The following RBFOX1 variants were observed in gnomAD, a reference collection of about 807,000 sequenced individuals.
The protein encoded by RBFOX1 is RNA binding fox-1 homolog 1, also known as RNA binding protein fox-1 homolog 1.
In RBFOX1, 8 loss-of-function variants were observed where a neutral mutation model predicts 57.7. The ratio of observed to expected loss-of-function variants is 0.14; its 90% CI spans 0.08 to 0.25. The LOEUF (loss-of-function observed/expected upper bound fraction) is 0.25, where lower values mean the gene tolerates loss of function less well. Among genes scored for constraint, RBFOX1 ranks in the 10% least tolerant of loss-of-function variants. RBFOX1 has a pLI of 1.00. For synonymous variants in RBFOX1, 326 were observed against 222.4 expected (o/e 1.47, Z -4.15); for missense variants, 611 against 548.5 (o/e 1.11, Z -1.14).
chr16:5,512,710 T>C (rs1292242440), intron 2 of RBFOX1, among the ~76,000 whole-genome samples: 1 of 152,156 alleles, frequency 6.6e-6, no homozygotes, highest in Non-Finnish European at 1.5e-5. Flanking sequence ...GCTTTACCTA[T>C]TGTTAACATC....
chr16:6,711,454 T>C (rs189552233), intron 3 of RBFOX1, among the ~76,000 whole-genome samples: 289 of 152,308 alleles, frequency 1.9e-3, no homozygotes, highest in African/African-American at 6.2e-3. Context: ...AATCCCCACG[T>C]GTCAAGGGAG....
chr16:5,397,245 C>T lies in RBFOX1; in HGVS notation c.220-69971C>T, dbSNP rs140080565. ...GAAAGGCTTCTCTAAAGGGATTTTCCCCCTCTGGTTTCATGGTATCCTCTT... is the reference window on the plus strand; with the variant it reads ...GAAAGGCTTCTCTAAAGGGATTTTCTCCCTCTGGTTTCATGGTATCCTCTT... On this transcript the variant is annotated intron_variant, in intron 1 of 2. Coordinates refer to the RBFOX1 transcript ENST00000585867. Among the ~76,000 whole-genome samples, 433 of 152,312 alleles carry T rather than the reference C, an allele frequency of 2.8e-3. 2 individuals are homozygous for T. Among genetic ancestry groups the T allele is most frequent in the African/African-American group, 0.01 (417 of 41,570 alleles).
At chr16:6,589,852 T>G (rs1600771617) in intron 2 of RBFOX1, among the ~76,000 whole-genome samples, 1 of 152,354 alleles carries the variant, frequency 6.6e-6, no homozygotes, top group East Asian at 1.9e-4. Context: ...TGGAGCCAGT[T>G]AGGTCATACC....
intron 1 of RBFOX1, among the ~76,000 whole-genome samples, chr16:6,164,363 C>A (rs1393731713): frequency 6.6e-6 from 1 of 151,904 alleles, no homozygotes; most frequent in Non-Finnish European, 1.5e-5. Context: ...TAGGATTGTT[C>A]TTTGCATACC....
At chr16:6,980,963 A>G (rs1162418607) in intron 3 of RBFOX1, among the ~76,000 whole-genome samples, 1 of 145,918 alleles carries the variant, frequency 6.9e-6, no homozygotes, top group African/African-American at 2.6e-5. Flanking sequence ...GAATCCCTTG[A>G]ACCTGGGAAG....
intron 3 of RBFOX1, among the ~76,000 whole-genome samples, chr16:6,871,274 C>A (rs117916133): frequency 2.0e-5 from 3 of 152,184 alleles, no homozygotes; most frequent in African/African-American, 7.2e-5. Context: ...TAACCTCCCC[C>A]TCCTGGGTTA....
intron 3 of RBFOX1, among the ~76,000 whole-genome samples, chr16:5,687,565 TAA>T (rs2050543043): frequency 6.6e-6 from 1 of 152,214 alleles, no homozygotes; most frequent in Admixed American, 6.5e-5. Flanking sequence ...AATAGTATCT[TAA>T]AGTTTCAGAC....
chr16:6,770,440 C>G (rs1053810335), intron 3 of RBFOX1, among the ~76,000 whole-genome samples: 4 of 152,182 alleles, frequency 2.6e-5, no homozygotes, highest in East Asian at 1.9e-4. Context: ...CCAGCTGCAC[C>G]TATGCAAGCA....
chr16:5,699,549 A>T (rs991695362), intron 3 of RBFOX1, among the ~76,000 whole-genome samples: 11 of 151,968 alleles, frequency 7.2e-5, no homozygotes, highest in Admixed American at 2.0e-4. Context: ...TGACTATTGC[A>T]CTAATTGCCA....
intron 1 of RBFOX1, among the ~76,000 whole-genome samples, chr16:5,276,367 C>A (rs1292677888): frequency 6.6e-6 from 1 of 152,118 alleles, no homozygotes; most frequent in African/African-American, 2.4e-5. Context: ...GTGCCAAGGA[C>A]ATGAATAGGC....
At chr16:5,721,021 G>C (rs983327979) in intron 3 of RBFOX1, among the ~76,000 whole-genome samples, 2 of 151,836 alleles carry the variant, frequency 1.3e-5, no homozygotes, top group African/African-American at 4.8e-5. Context: ...CAATTTGAGA[G>C]GTATTTTCAT....
chr16:5,360,993 C>A (rs1164423307), intron 1 of RBFOX1, among the ~76,000 whole-genome samples: 3 of 152,170 alleles, frequency 2.0e-5, no homozygotes, highest in African/African-American at 7.2e-5. Context: ...CATACCAAGG[C>A]TGCACACGAT....
At chr16:5,913,259 C>T (rs184313755) in intron 4 of RBFOX1, among the ~76,000 whole-genome samples, 1 of 152,274 alleles carries the variant, frequency 6.6e-6, no homozygotes, top group East Asian at 1.9e-4. Flanking sequence ...ATGTATCTCC[C>T]CACCCCTACC....
chr16:5,753,222 C>G (rs2053273994), intron 3 of RBFOX1, among the ~76,000 whole-genome samples: 1 of 151,866 alleles, frequency 6.6e-6, no homozygotes, highest in Admixed American at 6.6e-5. Flanking sequence ...AATAATGGTC[C>G]TTTTTGATGT....
At chr16:6,364,696 C>T (rs1055859083) in intron 2 of RBFOX1, among the ~76,000 whole-genome samples, 1 of 152,172 alleles carries the variant, frequency 6.6e-6, no homozygotes, top group Non-Finnish European at 1.5e-5. Flanking sequence ...GAAAGGGAAA[C>T]ATCTTTCTGT....
At chr16:7,034,076 G>A (rs6500900) in intron 3 of RBFOX1, among the ~76,000 whole-genome samples, 2,434 of 152,302 alleles carry the variant, frequency 0.016, 71 homozygotes, top group African/African-American at 0.055. Context: ...TGGGGACGCG[G>A]TGGTGCAGGT....
intron 4 of RBFOX1, among the ~76,000 whole-genome samples, chr16:5,897,835 T>G (rs1317277141): frequency 7.4e-5 from 5 of 67,408 alleles, no homozygotes; most frequent in African/African-American, 3.4e-4. Flanking sequence ...TTAACTTCTC[T>G]TTTTTTTTTT....
chr16:6,335,803 AAAAG>A (rs2152815549), intron 2 of RBFOX1, among the ~76,000 whole-genome samples: 1 of 142,958 alleles, frequency 7.0e-6, no homozygotes, highest in African/African-American at 2.9e-5. Flanking sequence ...AAAAAAAAAG[AAAAG>A]AAAAGAAAAG....
chr16:7,219,746 C>G (rs2092576843), intron 4 of RBFOX1, among the ~76,000 whole-genome samples: 1 of 152,278 alleles, frequency 6.6e-6, no homozygotes, highest in African/African-American at 2.4e-5. Flanking sequence ...ATTGGAATGA[C>G]TCCATTCCTT....
Sources: gnomAD v4.1 joint callset for allele counts (sites outside exome capture counted in the v4.1 genomes callset) on GRCh38, gnomAD v4.1.1 for gene constraint, MANE v1.5 for transcripts, NCBI Gene and HGNC (gene_info 2026-07-23, HGNC 2026-07-21) for gene names.